Variants in PKHD1 observed in about 807,000 individuals in gnomAD.
PKHD1 encodes the protein PKHD1 ciliary IPT domain containing fibrocystin/polyductin, also known as fibrocystin.
PKHD1 carries 291 observed loss-of-function variants against 412.0 expected under a neutral mutation model. That is an observed-to-expected ratio of 0.71 (90% CI 0.64 to 0.78). The LOEUF is 0.78. Ranked by LOEUF, PKHD1 falls within the 30% of genes least tolerant of loss-of-function variation. The pLI, the probability that PKHD1 is intolerant of heterozygous loss-of-function variation, is 0.00. For synonymous variants in PKHD1, 1,777 were observed against 1,821.5 expected (o/e 0.98, Z 0.62); for missense variants, 4,825 against 4,950.7 (o/e 0.97, Z 0.76).
intron 39 of PKHD1, among the ~76,000 whole-genome samples, chr6:51,910,389 T>G (rs1321060778): frequency 1.3e-5 from 2 of 151,988 alleles, no homozygotes; most frequent in African/African-American, 4.8e-5. Flanking sequence ...AGAGAAGAGG[T>G]GAATGAAGAG....
intron 24 of PKHD1, 23 bp from the exon 25 acceptor site, chr6:52,045,111 A>G (rs1241171520): frequency 1.9e-6 from 3 of 1,611,782 alleles, no homozygotes; most frequent in Non-Finnish European, 2.5e-6. Flanking sequence ...CATTTCTGGT[A>G]AATTCTGTCA....
In PKHD1 at chr6:52,053,103, T is replaced by C; in HGVS notation, c.2113A>G (p.Ile705Val). Reference sequence around the variant, plus strand: ...GTTACGTTTGTGTCTGCAATAATAATTTCATCCACATAGAACAGGCCCGTC... The same window carrying C: ...GTTACGTTTGTGTCTGCAATAATAACTTCATCCACATAGAACAGGCCCGTC... ...QETGLFYVDEIIIADTNVTVS... is the reference protein window; with the variant it reads ...QETGLFYVDEVIIADTNVTVS... The change falls in exon 21 of 67, where the codon ATT (isoleucine) becomes GTT (valine). Residue 705 changes from isoleucine to valine, a missense_variant. Physicochemically the swap from Ile to Val is conservative, Grantham distance 29 (BLOSUM62 3). Transcript: ENST00000371117. 1 of 1,614,122 alleles carries C rather than the reference T, an allele frequency of 6.2e-7. No individual in the cohort carries two copies.
At chr6:51,711,461 C>T (rs1483847811) in intron 60 of PKHD1, among the ~76,000 whole-genome samples, 1 of 152,216 alleles carries the variant, frequency 6.6e-6, no homozygotes, top group East Asian at 1.9e-4. Flanking sequence ...AACTAATATG[C>T]AGCAGCTAAT....
chr6:51,837,095 C>G (rs1247020161), intron 50 of PKHD1, among the ~76,000 whole-genome samples: 1 of 152,198 alleles, frequency 6.6e-6, no homozygotes, highest in Non-Finnish European at 1.5e-5. Context: ...AAGCTGGGAA[C>G]ATATGCTCCT....
chr6:51,973,876 A>G (rs902940052), intron 35 of PKHD1, among the ~76,000 whole-genome samples: 4 of 152,236 alleles, frequency 2.6e-5, no homozygotes. Flanking sequence ...GTTATAGTTC[A>G]GGGATAATGA....
chr6:51,650,459 T>G (rs1386345079), intron 61 of PKHD1, among the ~76,000 whole-genome samples: 1 of 151,994 alleles, frequency 6.6e-6, no homozygotes, highest in Non-Finnish European at 1.5e-5. Context: ...TATTTATTTA[T>G]TTTTAAAGTA....
intron 36 of PKHD1, among the ~76,000 whole-genome samples, chr6:51,950,220 A>AAATAT: frequency 0.028 from 2,768 of 98,278 alleles, 114 homozygotes; most frequent in African/African-American, 0.092. Flanking sequence ...GAAAAAAAAA[A>AAATAT]ATATATATAT....
intron 51 of PKHD1, among the ~76,000 whole-genome samples, chr6:51,832,801 C>T (rs757441470): frequency 2.6e-5 from 4 of 151,996 alleles, no homozygotes; most frequent in Non-Finnish European, 4.4e-5. Flanking sequence ...TCTACCAGAC[C>T]CAATTCCTCA....
At chr6:52,040,813 C>G (rs1231747681) in intron 27 of PKHD1, among the ~76,000 whole-genome samples, 1 of 152,220 alleles carries the variant, frequency 6.6e-6, no homozygotes, top group Non-Finnish European at 1.5e-5. Context: ...CAACCATCTA[C>G]TCCATCCCTC....
intron 60 of PKHD1, among the ~76,000 whole-genome samples, chr6:51,725,081 A>C (rs1291040515): frequency 6.6e-6 from 1 of 152,182 alleles, no homozygotes; most frequent in Non-Finnish European, 1.5e-5. Context: ...AAGTAGGTCC[A>C]GAAATAAGGA....
At chr6:51,721,137 T>C (rs1781876765) in intron 60 of PKHD1, 32 of 967,382 alleles carry the variant, frequency 3.3e-5, no homozygotes, top group Non-Finnish European at 3.9e-5. Flanking sequence ...GTTCCAATAA[T>C]GGAACACTGG....
At chr6:51,676,768 G>A (rs1417742130) in intron 60 of PKHD1, among the ~76,000 whole-genome samples, 1 of 152,106 alleles carries the variant, frequency 6.6e-6, no homozygotes, top group African/African-American at 2.4e-5. Context: ...AGAAGTAACT[G>A]TGATCTTCCA....
intron 52 of PKHD1, among the ~76,000 whole-genome samples, chr6:51,824,235 AAAC>A (rs912600927): frequency 5.3e-5 from 8 of 152,158 alleles, no homozygotes; most frequent in African/African-American, 1.9e-4. Context: ...CCTCAAAAGA[AAAC>A]AAATAAATTA....
rs770105585 is a variant in PKHD1, at chr6:51,659,833, T to C, written c.10293A>G (p.Val3431=). 3.7e-6 allele frequency: 6 copies of C among 1,613,870 alleles called. No individual in the cohort carries two copies. Among genetic ancestry groups the C allele is most frequent in the Non-Finnish European group, 5.1e-6 (6 of 1,179,860 alleles). Residue 3431 remains valine (V), a synonymous_variant, in exon 61 of 67, where the codon GTA becomes GTG. Transcript: ENST00000371117. ...CATCAACAAAACCACTAGTCACAGATACAACTGGATATAACTTCTGAATTG... is the reference window on the plus strand; with the variant it reads ...CATCAACAAAACCACTAGTCACAGACACAACTGGATATAACTTCTGAATTG... ...IWAIQKLYPV[V]SVTSGFVDVF...
chr6:51,801,577 C>A (rs1305136545), intron 52 of PKHD1, among the ~76,000 whole-genome samples: 2 of 150,972 alleles, frequency 1.3e-5, no homozygotes, highest in African/African-American at 4.9e-5. Context: ...CCCAGAGGCA[C>A]ACGATTCAAG....
chr6:51,829,080 T>C (rs1367801888), intron 52 of PKHD1, among the ~76,000 whole-genome samples: 1 of 152,156 alleles, frequency 6.6e-6, no homozygotes, highest in Admixed American at 6.6e-5. Flanking sequence ...GTTTTAAAAT[T>C]CTTAACTTTT....
chr6:51,775,681 A>G, intron 54 of PKHD1, 127 bp downstream of exon 54: 1 of 620,548 alleles, frequency 1.6e-6, no homozygotes, highest in Non-Finnish European at 2.9e-6. Flanking sequence ...AATAATAAAT[A>G]TAAATTGCCT....
intron 23 of PKHD1, among the ~76,000 whole-genome samples, chr6:52,047,424 C>A (rs1806032453): frequency 6.6e-6 from 1 of 152,098 alleles, no homozygotes; most frequent in Admixed American, 6.6e-5. Context: ...GGACCATGTT[C>A]CAACTTTTAT....
intron 64 of PKHD1, among the ~76,000 whole-genome samples, chr6:51,635,052 A>G (rs758244150): frequency 1.5e-4 from 23 of 152,144 alleles, no homozygotes; most frequent in Admixed American, 3.9e-4. Context: ...TCAGCCTGCC[A>G]GGTGGTTGGG....
Sources: gnomAD v4.1 joint callset for allele counts (sites outside exome capture counted in the v4.1 genomes callset) on GRCh38, gnomAD v4.1.1 for gene constraint, MANE v1.5 for transcripts, NCBI Gene and HGNC (gene_info 2026-07-23, HGNC 2026-07-21) for gene names.